VAV2: variants seen among roughly 807,000 people sequenced by gnomAD.
VAV2 encodes vav guanine nucleotide exchange factor 2.
VAV2 carries 67 observed loss-of-function variants against 132.5 expected under a neutral mutation model. The ratio of observed to expected loss-of-function variants is 0.51; its 90% CI spans 0.42 to 0.62. The LOEUF (loss-of-function observed/expected upper bound fraction) is 0.62. Among genes scored for constraint, VAV2 ranks in the 20% least tolerant of loss-of-function variants. The probability of loss-of-function intolerance (pLI) is 0.00; values close to 1 mark genes in which losing one functional copy is unlikely to be tolerated. For synonymous variants in VAV2, 492 were observed against 443.5 expected (o/e 1.11, Z -1.37); for missense variants, 938 against 1,153.6 (o/e 0.81, Z 2.71).
At chr9:133,975,232 C>A (rs1842469111) in intron 1 of VAV2, among the ~76,000 whole-genome samples, 1 of 152,236 alleles carries the variant, frequency 6.6e-6, no homozygotes, top group African/African-American at 2.4e-5. Flanking sequence ...CATGGCCTCC[C>A]CCACCAGGAG....
Position 133,918,051 on chromosome 9 carries a change from A to G in VAV2, c.321+21052T>C, listed in dbSNP as rs1348198479. On this transcript the variant is annotated intron_variant, in intron 2 of 29. Coordinates refer to ENST00000371850, the MANE Select transcript of VAV2 (RefSeq NM_001134398.2). The surrounding 1 kb of genome is among the most constrained non-coding windows in gnomAD (Gnocchi z 4.7). ...AATTTCTCATTTCCCTGCTTCACCA[A>G]CTCCATTTTCCAAAGTGATTGAGAC... 6.6e-6 allele frequency among the ~76,000 whole-genome samples: 1 copy of G among 151,748 alleles called. No homozygotes were observed. Among genetic ancestry groups the G allele is most frequent in the Non-Finnish European group, 1.5e-5 (1 of 67,956 alleles).
intron 20 of VAV2, 21 bp downstream of exon 20, chr9:133,780,673 G>A: frequency 7.8e-7 from 1 of 1,288,322 alleles, no homozygotes; most frequent in Middle Eastern, 2.0e-4. Context: ...CAGAGGGAGG[G>A]GAAACACTCT....
At chr9:133,843,551 C>T (rs544530471) in intron 3 of VAV2, among the ~76,000 whole-genome samples, 1 of 152,114 alleles carries the variant, frequency 6.6e-6, no homozygotes, top group African/African-American at 2.4e-5. Flanking sequence ...GAACCCTGGC[C>T]ACAAACTCCT....
At chr9:133,830,044 A>C (rs867383778) in intron 4 of VAV2, among the ~76,000 whole-genome samples, 4 of 152,226 alleles carry the variant, frequency 2.6e-5, no homozygotes, top group African/African-American at 9.6e-5. Context: ...AATGAATGAA[A>C]GCACACAGGC....
intron 2 of VAV2, among the ~76,000 whole-genome samples, chr9:133,913,753 C>T (rs1839962597): frequency 6.6e-6 from 1 of 152,258 alleles, no homozygotes; most frequent in African/African-American, 2.4e-5. Context: ...AGGCCTTGGG[C>T]ACCGCGCCCA....
At chr9:133,782,163 C>T (rs771385119) in intron 19 of VAV2, among the ~76,000 whole-genome samples, 35 of 152,060 alleles carry the variant, frequency 2.3e-4, no homozygotes, top group Non-Finnish European at 4.4e-4. Flanking sequence ...GGAAATATAC[C>T]GAAACATTGC....
intron 2 of VAV2, among the ~76,000 whole-genome samples, chr9:133,873,935 A>G (rs1838160062): frequency 6.6e-6 from 1 of 152,200 alleles, no homozygotes; most frequent in South Asian, 2.1e-4. Flanking sequence ...GGCGTCCTCC[A>G]GGACAGCTAA....
chr9:133,774,937 G>A lies in VAV2; in HGVS notation c.2133C>T (p.Ile711=). The A allele has an allele frequency of 6.2e-7, 1 of 1,611,368 alleles. No homozygotes were observed. Among genetic ancestry groups the A allele is most frequent in the Non-Finnish European group, 8.5e-7 (1 of 1,178,596 alleles). ...PAEAERFAIS[I]KFNDEVKHIK... ...TCGAGCCCAGAGCCGCCACTTACTT[G>A]ATGCTTATTGCAAAGCGCTCAGCCT... The change falls in exon 25 of 30, where the codon ATC becomes ATT. Residue 711 remains isoleucine (I), a splice_region_variant and synonymous_variant. Coordinates refer to ENST00000371850, the MANE Select transcript of VAV2 (RefSeq NM_001134398.2).
At chr9:133,921,575 G>T (rs112657871) in intron 2 of VAV2, among the ~76,000 whole-genome samples, 1 of 152,186 alleles carries the variant, frequency 6.6e-6, no homozygotes, top group Non-Finnish European at 1.5e-5. Context: ...CTCCCTGCAG[G>T]CTGGGGAAAG....
chr9:133,913,758 C>T (rs932961407), intron 2 of VAV2, among the ~76,000 whole-genome samples: 3 of 152,226 alleles, frequency 2.0e-5, no homozygotes, highest in Admixed American at 1.3e-4. Context: ...TTGGGCACCG[C>T]GCCCAGGTCA....
chr9:133,866,333 C>A lies in VAV2; in HGVS notation c.322-4901G>T, dbSNP rs1223470919. On this transcript the variant is annotated intron_variant, in intron 2 of 29. Coordinates refer to ENST00000371850, the MANE Select transcript of VAV2 (RefSeq NM_001134398.2). The stretch of plus-strand genomic sequence containing the variant: ...GTTGGGGGGAGGGGAGGAGCCCACG[C>A]TCACTGGACCACTGTGTTTTGTAGA... 2.0e-5 allele frequency among the ~76,000 whole-genome samples: 3 copies of A among 152,220 alleles called. No individual in the cohort carries two copies. In the East Asian group the frequency reaches 5.8e-4, roughly 29 times the overall value.
rs1217927063 is a variant in VAV2, at chr9:133,770,392, G to C, written c.2333C>G (p.Ser778Cys). 1.9e-6 allele frequency: 3 copies of C among 1,614,030 alleles called. No individual in the cohort carries two copies. The South Asian group carries it at 3.3e-5, about 18-fold the overall frequency. ...KSRERSASRASSRSPASCASY... is the reference protein window; with the variant it reads ...KSRERSASRACSRSPASCASY... ...CGGGGCGTTACCTGGGGACCGGCTGGAGGCCCTGGAGGCCGAACGTTCCCG... is the reference window on the plus strand; with the variant it reads ...CGGGGCGTTACCTGGGGACCGGCTGCAGGCCCTGGAGGCCGAACGTTCCCG... Residue 778 changes from serine (S) to cysteine (C), a missense_variant, in exon 27 of 30, where the codon TCC (serine) becomes TGC (cysteine). Ser to Cys is a moderately radical substitution (Grantham distance 112). Coordinates refer to ENST00000371850, the MANE Select transcript of VAV2 (RefSeq NM_001134398.2).
intron 2 of VAV2, among the ~76,000 whole-genome samples, chr9:133,902,457 A>T (rs928432991): frequency 1.3e-5 from 2 of 152,146 alleles, no homozygotes; most frequent in Admixed American, 1.3e-4. Context: ...TCCCACATTG[A>T]GATGTTTCTG....
chr9:133,956,472 C>T (rs984622179), intron 1 of VAV2, among the ~76,000 whole-genome samples: 5 of 152,034 alleles, frequency 3.3e-5, no homozygotes, highest in East Asian at 1.9e-4. Flanking sequence ...TGTTTTGTTT[C>T]GTTTTGTTTT....
At chr9:133,929,503 A>C (rs2810512) in intron 2 of VAV2, among the ~76,000 whole-genome samples, 132,293 of 151,918 alleles carry the variant, frequency 0.87, 58,510 homozygotes, top group East Asian at 0.97. Context: ...ACATGCCAGG[A>C]GGTTCCACGG....
At chr9:133,816,805 A>C (rs571120484) in intron 4 of VAV2, among the ~76,000 whole-genome samples, 2 of 152,374 alleles carry the variant, frequency 1.3e-5, no homozygotes, top group Non-Finnish European at 2.9e-5. Flanking sequence ...CAATTGACCA[A>C]ATAAGGGTGA....
chr9:133,970,620 C>G (rs1167586939), intron 1 of VAV2, among the ~76,000 whole-genome samples: 1 of 152,202 alleles, frequency 6.6e-6, no homozygotes, highest in Admixed American at 6.5e-5. Context: ...CCCAGCCTTG[C>G]TGGCCCAGCA....
intron 2 of VAV2, among the ~76,000 whole-genome samples, chr9:133,898,806 C>T (rs1449910805): frequency 2.5e-5 from 3 of 118,966 alleles, no homozygotes; most frequent in Admixed American, 9.3e-5. Flanking sequence ...AGGGAGGATG[C>T]AGACCCTGCC....
rs1833898582 is a variant in VAV2, at chr9:133,778,653, C to T, written c.1890+109G>A. 5 of 1,464,970 alleles carry T rather than the reference C, an allele frequency of 3.4e-6. No individual in the cohort carries two copies. The Admixed American group carries it at 8.9e-5, about 26-fold the overall frequency. The allele number at this position is 1,464,970 out of a possible 1,614,324, so 90.7% of individuals were successfully genotyped here. On this transcript the variant is annotated intron_variant, in intron 22 of 29. Transcript: ENST00000371850. Reference sequence around the variant, plus strand: ...TGCCTCCTCCTCCCTGGTGGTCTCTCACCTCTCTGCCTCTGCCTGGGGATG... The same window carrying T: ...TGCCTCCTCCTCCCTGGTGGTCTCTTACCTCTCTGCCTCTGCCTGGGGATG...
Sources: allele counts gnomAD v4.1 joint callset (sites outside exome capture counted in the v4.1 genomes callset), GRCh38; gene constraint gnomAD v4.1.1; non-coding constraint Gnocchi (gnomAD v3.1); transcripts MANE v1.5; gene names NCBI Gene and HGNC (gene_info 2026-07-23, HGNC 2026-07-21).